The following FGGY variants were observed in gnomAD, a reference collection of about 807,000 sequenced individuals.
The protein encoded by FGGY is FGGY carbohydrate kinase domain-containing protein.
A neutral mutation model predicts 71.3 loss-of-function variants in FGGY; 72 were observed. The ratio of observed to expected loss-of-function variants is 1.01; its 90% CI spans 0.84 to 1.23. The LOEUF (loss-of-function observed/expected upper bound fraction) is 1.23, where lower values mean the gene tolerates loss of function less well. Ranked by LOEUF, FGGY falls within the 50% of genes most tolerant of loss-of-function variation. The probability of loss-of-function intolerance (pLI) is 0.00; values close to 1 mark genes in which losing one functional copy is unlikely to be tolerated. For missense variants in FGGY, 668 were observed against 682.3 expected (o/e 0.98, Z 0.23); for synonymous variants, 251 against 250.3 (o/e 1.00, Z -0.02).
chr1:59,693,488 C>T (rs755034228), intron 14 of FGGY, among the ~76,000 whole-genome samples: 2 of 152,136 alleles, frequency 1.3e-5, no homozygotes, highest in African/African-American at 4.8e-5. Flanking sequence ...CAGTGCCTGG[C>T]ACAGGCAGCG....
At chr1:59,572,808 G>T (rs2096009494) in intron 8 of FGGY, among the ~76,000 whole-genome samples, 1 of 152,184 alleles carries the variant, frequency 6.6e-6, no homozygotes, top group Non-Finnish European at 1.5e-5. Flanking sequence ...CTGCTCCCCA[G>T]TGAGTAGAGA....
At chr1:59,519,055 TA>T (rs2094745673) in intron 7 of FGGY, among the ~76,000 whole-genome samples, 1 of 152,216 alleles carries the variant, frequency 6.6e-6, no homozygotes, top group Admixed American at 6.5e-5. Flanking sequence ...AAGGCAACTT[TA>T]TACATACTAT....
intron 2 of FGGY, among the ~76,000 whole-genome samples, chr1:59,336,436 G>T (rs1472948169): frequency 1.3e-5 from 2 of 148,804 alleles, no homozygotes; most frequent in African/African-American, 5.0e-5. Context: ...AATTTTGTCA[G>T]TTTCTACAAA....
chr1:59,560,646 T>C (rs1425440520), intron 8 of FGGY, among the ~76,000 whole-genome samples: 5 of 152,168 alleles, frequency 3.3e-5, no homozygotes, highest in African/African-American at 4.8e-5. Flanking sequence ...TTTTTTTAAT[T>C]TACCTGGCTA....
At chr1:59,362,789 C>G (rs534962221) in intron 4 of FGGY, among the ~76,000 whole-genome samples, 2 of 152,166 alleles carry the variant, frequency 1.3e-5, no homozygotes, top group Non-Finnish European at 2.9e-5. Context: ...TTTATACATT[C>G]TTCCTGCATG....
rs139018633 is a variant in FGGY at position 59,631,614 on chromosome 1, G to A, written c.1073+5565G>A. 1.5e-4 allele frequency among the ~76,000 whole-genome samples: 23 copies of A among 152,248 alleles called. No individual in the cohort carries two copies. The East Asian group carries it at 3.9e-3, about 26-fold the overall frequency. Reference sequence around the variant, plus strand: ...TGTGTCTCTTTTACTATGACTTGGGGCTTTCTGAAAACAGCAATGCAGGTC... The same window carrying A: ...TGTGTCTCTTTTACTATGACTTGGGACTTTCTGAAAACAGCAATGCAGGTC... On this transcript the variant is annotated intron_variant, in intron 10 of 15. Transcript: ENST00000303721.
At chr1:59,633,555 G>C (rs2096928511) in intron 10 of FGGY, among the ~76,000 whole-genome samples, 1 of 151,892 alleles carries the variant, frequency 6.6e-6, no homozygotes, top group East Asian at 1.9e-4. Context: ...AGCATGTCTG[G>C]AAGGCTGTGT....
intron 6 of FGGY, among the ~76,000 whole-genome samples, chr1:59,505,959 T>G (rs1302801825): frequency 6.6e-6 from 1 of 152,138 alleles, no homozygotes; most frequent in South Asian, 2.1e-4. Flanking sequence ...CCACTCAGAC[T>G]GAATCTGCCC....
chr1:59,535,977 AAAATC>A (rs1328930360), intron 7 of FGGY, among the ~76,000 whole-genome samples: 1 of 149,040 alleles, frequency 6.7e-6, no homozygotes, highest in African/African-American at 2.6e-5. Context: ...AGAAATAACT[AAAATC>A]ACAGCAGAAC....
At chr1:59,699,216 A>AT (rs1008815879) in intron 14 of FGGY, 144 of 984,938 alleles carry the variant, frequency 1.5e-4, no homozygotes, top group Non-Finnish European at 1.7e-4. Flanking sequence ...CAGTTCTGAG[A>AT]TTTTTTTTCT....
chr1:59,383,183 T>G (rs1016740715), intron 5 of FGGY, among the ~76,000 whole-genome samples: 17 of 152,182 alleles, frequency 1.1e-4, no homozygotes, highest in African/African-American at 4.1e-4. Flanking sequence ...AGGAATTACC[T>G]GAATGATTTG....
At chr1:59,490,933 C>T (rs573716461) in intron 6 of FGGY, among the ~76,000 whole-genome samples, 2 of 151,806 alleles carry the variant, frequency 1.3e-5, no homozygotes, top group Non-Finnish European at 2.9e-5. Flanking sequence ...GTTACTAAAG[C>T]TTTGTAATAT....
intron 5 of FGGY, among the ~76,000 whole-genome samples, chr1:59,417,112 A>G (rs2153435538): frequency 6.6e-6 from 1 of 152,276 alleles, no homozygotes; most frequent in African/African-American, 2.4e-5. Flanking sequence ...CCGTAGCAGT[A>G]AGTCCTCATA....
intron 10 of FGGY, among the ~76,000 whole-genome samples, chr1:59,627,831 A>G (rs2096873959): frequency 6.6e-6 from 1 of 152,202 alleles, no homozygotes; most frequent in Non-Finnish European, 1.5e-5. Context: ...CCTACTCAGG[A>G]TAAAATAAAC....
intron 6 of FGGY, among the ~76,000 whole-genome samples, chr1:59,462,533 G>C (rs1044444466): frequency 2.0e-5 from 3 of 152,104 alleles, no homozygotes; most frequent in Non-Finnish European, 4.4e-5. Flanking sequence ...CCCACAAAAT[G>C]GCAGAAAATT....
At chr1:59,455,050 G>T (rs2091549769) in intron 5 of FGGY, among the ~76,000 whole-genome samples, 1 of 152,164 alleles carries the variant, frequency 6.6e-6, no homozygotes, top group South Asian at 2.1e-4. Context: ...ATTCTTTAAT[G>T]TTTCCATTCA....
chr1:59,461,248 C>T (rs1305730117), intron 6 of FGGY, among the ~76,000 whole-genome samples: 1 of 152,160 alleles, frequency 6.6e-6, no homozygotes, highest in African/African-American at 2.4e-5. Context: ...AGCTGAAAAC[C>T]ATGGCACAAG....
intron 5 of FGGY, among the ~76,000 whole-genome samples, chr1:59,419,853 C>G (rs933247579): frequency 6.6e-6 from 1 of 152,016 alleles, no homozygotes; most frequent in African/African-American, 2.4e-5. Flanking sequence ...ACATGCTAAT[C>G]CTAGCCTTTG....
chr1:59,587,949 T>A (rs34089871), intron 8 of FGGY, among the ~76,000 whole-genome samples: 26,792 of 152,102 alleles, frequency 0.18, 2,864 homozygotes, highest in South Asian at 0.35. Flanking sequence ...TGGACAGAGA[T>A]TGACTTTGAC....
Sources: allele counts gnomAD v4.1 joint callset (sites outside exome capture counted in the v4.1 genomes callset), GRCh38; gene constraint gnomAD v4.1.1; transcripts MANE v1.5; gene names NCBI Gene and HGNC (gene_info 2026-07-23, HGNC 2026-07-21).